FBXW7: variants seen among roughly 807,000 people sequenced by gnomAD.
The protein encoded by FBXW7 is F-box and WD repeat domain containing 7.
FBXW7 carries 11 observed loss-of-function variants against 86.3 expected under a neutral mutation model. That is an observed-to-expected ratio of 0.13 (90% CI 0.08 to 0.21). FBXW7 has a LOEUF of 0.21. Ranked by LOEUF, FBXW7 falls within the 10% of genes least tolerant of loss-of-function variation. The pLI is 1.00. For missense variants in FBXW7, 488 were observed against 847.4 expected (o/e 0.58, Z 5.27); for synonymous variants, 313 against 297.9 (o/e 1.05, Z -0.52).
At chr4:152,359,360 G>C (rs535239207) in intron 4 of FBXW7, among the ~76,000 whole-genome samples, 125 of 152,208 alleles carry the variant, frequency 8.2e-4, no homozygotes, top group African/African-American at 2.8e-3. Flanking sequence ...CAGAGCTTTG[G>C]GAGGCCGAGG....
intron 8 of FBXW7, among the ~76,000 whole-genome samples, chr4:152,331,891 C>T (rs1729595209): frequency 6.6e-6 from 1 of 151,912 alleles, no homozygotes. Context: ...GGATGACAAA[C>T]CAAGCACCCT....
rs561250856 is a variant in FBXW7 at position 152,369,368 on chromosome 4, C to T, written c.502-19244G>A. 1.3e-4 allele frequency among the ~76,000 whole-genome samples: 20 copies of T among 152,180 alleles called. No homozygotes were observed. In the East Asian group the frequency reaches 2.9e-3, roughly 22 times the overall value. On this transcript the variant is annotated intron_variant, in intron 4 of 13. Transcript: ENST00000281708. ...TGACCCTATAATCCGCGCTCTTAGG[C>T]ACTCTGCTTTTCTGATATGAACTCC...
chr4:152,463,044 T>C (rs967991472), intron 2 of FBXW7, among the ~76,000 whole-genome samples: 4 of 152,114 alleles, frequency 2.6e-5, no homozygotes, highest in Non-Finnish European at 2.9e-5. Flanking sequence ...TCCCAGCACT[T>C]TGGGAGGCTG....
chr4:152,369,701 A>T (rs1733837429), intron 4 of FBXW7, among the ~76,000 whole-genome samples: 1 of 152,056 alleles, frequency 6.6e-6, no homozygotes, highest in Admixed American at 6.6e-5. Flanking sequence ...AAATTATCAT[A>T]AACATTCATT....
chr4:152,435,331 C>A (rs1031808714), intron 2 of FBXW7, among the ~76,000 whole-genome samples: 2 of 152,136 alleles, frequency 1.3e-5, no homozygotes, highest in East Asian at 3.8e-4. Context: ...ATAAGCCATT[C>A]ATTTTGTATA....
intron 2 of FBXW7, among the ~76,000 whole-genome samples, chr4:152,469,891 G>A (rs1428736869): frequency 1.3e-5 from 2 of 152,032 alleles, no homozygotes; most frequent in Non-Finnish European, 2.9e-5. Context: ...TAGCATATGT[G>A]TAAACTTAAG....
intron 4 of FBXW7, among the ~76,000 whole-genome samples, chr4:152,377,846 A>G (rs1247219356): frequency 6.6e-6 from 1 of 152,062 alleles, no homozygotes; most frequent in African/African-American, 2.4e-5. Context: ...AATGAGTCTT[A>G]TAAAGGAAAG....
chr4:152,422,104 A>T (rs1739004454), intron 2 of FBXW7, among the ~76,000 whole-genome samples: 1 of 152,162 alleles, frequency 6.6e-6, no homozygotes, highest in South Asian at 2.1e-4. Context: ...AATCAGAAGC[A>T]AAGTGCAATA....
intron 4 of FBXW7, among the ~76,000 whole-genome samples, chr4:152,396,438 G>A (rs1470400133): frequency 6.6e-6 from 1 of 151,850 alleles, no homozygotes; most frequent in South Asian, 2.1e-4. Flanking sequence ...GAAAAATAAT[G>A]GCAATTCTTT....
chr4:152,357,508 A>G (rs1427094673), intron 4 of FBXW7, among the ~76,000 whole-genome samples: 3 of 151,834 alleles, frequency 2.0e-5, no homozygotes, highest in African/African-American at 7.3e-5. Context: ...TTTAGTAGAG[A>G]TGGGGTTTCA....
intron 2 of FBXW7, among the ~76,000 whole-genome samples, chr4:152,524,751 A>T (rs1049748241): frequency 6.6e-5 from 10 of 151,860 alleles, no homozygotes; most frequent in Admixed American, 1.3e-4. Context: ...CATTTATTTT[A>T]AAAAAAAGGA....
intron 2 of FBXW7, among the ~76,000 whole-genome samples, chr4:152,473,246 CA>C (rs1035917872): frequency 8.6e-5 from 13 of 151,938 alleles, no homozygotes; most frequent in Non-Finnish European, 1.8e-4. Context: ...TCTCCAAAAA[CA>C]AAAACAAAAA....
intron 2 of FBXW7, among the ~76,000 whole-genome samples, chr4:152,499,075 C>G (rs192902534): frequency 6.6e-6 from 1 of 152,100 alleles, no homozygotes. Context: ...GAAGAATCCA[C>G]TTGGAGATAT....
chr4:152,443,639 G>A (rs1431553298), intron 2 of FBXW7, among the ~76,000 whole-genome samples: 2 of 151,722 alleles, frequency 1.3e-5, no homozygotes, highest in Non-Finnish European at 2.9e-5. Context: ...CTCTTCTTTT[G>A]AAAGACACTT....
chr4:152,434,969 C>G (rs897741554), intron 2 of FBXW7, among the ~76,000 whole-genome samples: 1 of 140,990 alleles, frequency 7.1e-6, no homozygotes, highest in South Asian at 2.3e-4. Flanking sequence ...CCCCCCCCCC[C>G]ACACACAAGC....
chr4:152,506,089 C>T (rs989910130), intron 2 of FBXW7, among the ~76,000 whole-genome samples: 8 of 152,070 alleles, frequency 5.3e-5, no homozygotes, highest in Admixed American at 3.3e-4. Flanking sequence ...ACCAGTAACA[C>T]AGTCCTTTAT....
intron 2 of FBXW7, among the ~76,000 whole-genome samples, chr4:152,443,287 C>T (rs1055492184): frequency 2.0e-5 from 3 of 152,054 alleles, no homozygotes; most frequent in Non-Finnish European, 4.4e-5. Flanking sequence ...AAACAAAAAA[C>T]ATATTAAAGC....
intron 2 of FBXW7, among the ~76,000 whole-genome samples, chr4:152,452,762 T>C (rs899429650): frequency 1.3e-5 from 2 of 152,268 alleles, no homozygotes; most frequent in Admixed American, 1.3e-4. Flanking sequence ...TAATTTTTTT[T>C]CCTGAGAAGA....
chr4:152,529,309 A>G (rs1749803588), intron 2 of FBXW7, among the ~76,000 whole-genome samples: 1 of 152,174 alleles, frequency 6.6e-6, no homozygotes, highest in Non-Finnish European at 1.5e-5. Context: ...CTTTATAGTG[A>G]CCTTCTAAAA....
Sources: allele counts gnomAD v4.1 joint callset (sites outside exome capture counted in the v4.1 genomes callset), GRCh38; gene constraint gnomAD v4.1.1; transcripts MANE v1.5; gene names NCBI Gene and HGNC (gene_info 2026-07-23, HGNC 2026-07-21).